The following SLX4IP variants were observed in gnomAD, a reference collection of about 807,000 sequenced individuals.
SLX4IP encodes the protein SLX4 interacting protein.
Under a neutral mutation model 32.9 loss-of-function variants are expected in SLX4IP, and 34 were observed. That is an observed-to-expected ratio of 1.03 (90% CI 0.79 to 1.38). The LOEUF (loss-of-function observed/expected upper bound fraction) is 1.38. SLX4IP is among the 40% of genes most tolerant of loss of function. The probability of loss-of-function intolerance (pLI) is 0.00; values close to 1 mark genes in which losing one functional copy is unlikely to be tolerated. For missense variants in SLX4IP, 444 were observed against 479.0 expected (o/e 0.93, Z 0.68); for synonymous variants, 172 against 171.7 (o/e 1.00, Z -0.01).
intron 4 of SLX4IP, among the ~76,000 whole-genome samples, chr20:10,574,027 G>A (rs777981517): frequency 1.6e-4 from 25 of 152,302 alleles, no homozygotes; most frequent in Non-Finnish European, 2.9e-4. Context: ...GTGTGCTAAA[G>A]CACCAATGAC....
At chr20:10,527,657 G>A (rs1266903496) in intron 2 of SLX4IP, among the ~76,000 whole-genome samples, 5 of 152,108 alleles carry the variant, frequency 3.3e-5, no homozygotes, top group Non-Finnish European at 7.4e-5. Flanking sequence ...TTTCTCTGGG[G>A]TATTCTTACA....
intron 2 of SLX4IP, among the ~76,000 whole-genome samples, chr20:10,478,357 AC>A (rs1217684710): frequency 6.6e-6 from 1 of 152,186 alleles, no homozygotes; most frequent in Non-Finnish European, 1.5e-5. Flanking sequence ...AGTACATGTT[AC>A]TGTTGACATG....
At chr20:10,527,197 A>C (rs1474664596) in intron 2 of SLX4IP, among the ~76,000 whole-genome samples, 1 of 152,190 alleles carries the variant, frequency 6.6e-6, no homozygotes, top group Non-Finnish European at 1.5e-5. Context: ...TATAAAAACA[A>C]AATACTGCCC....
At chr20:10,577,716 G>A (rs2066537691) in intron 4 of SLX4IP, among the ~76,000 whole-genome samples, 1 of 152,190 alleles carries the variant, frequency 6.6e-6, no homozygotes, top group Admixed American at 6.5e-5. Context: ...GAAAGACCCT[G>A]TCTCTTTAAT....
At chr20:10,467,750 A>G (rs761098565) in intron 2 of SLX4IP, among the ~76,000 whole-genome samples, 20 of 152,188 alleles carry the variant, frequency 1.3e-4, no homozygotes, top group African/African-American at 3.1e-4. Flanking sequence ...CAGTCACCCA[A>G]TGAGTTTTAT....
intron 7 of SLX4IP, among the ~76,000 whole-genome samples, chr20:10,622,085 T>C (rs1413995233): frequency 1.3e-5 from 2 of 152,238 alleles, no homozygotes; most frequent in African/African-American, 4.8e-5. Flanking sequence ...TTTTATTGCC[T>C]TTCATGCTGA....
At chr20:10,471,856 C>G (rs1182168362) in intron 2 of SLX4IP, among the ~76,000 whole-genome samples, 2 of 152,190 alleles carry the variant, frequency 1.3e-5, no homozygotes, top group South Asian at 2.1e-4. Context: ...CAATGATACC[C>G]TCTCTCTTCA....
intron 2 of SLX4IP, among the ~76,000 whole-genome samples, chr20:10,547,832 G>C (rs981604218): frequency 2.6e-5 from 4 of 152,150 alleles, no homozygotes; most frequent in Admixed American, 1.3e-4. Flanking sequence ...GACCATCTGT[G>C]TGCCAGACCC....
intron 2 of SLX4IP, among the ~76,000 whole-genome samples, chr20:10,508,074 A>G (rs531338576): frequency 9.8e-5 from 15 of 152,302 alleles, no homozygotes; most frequent in African/African-American, 3.6e-4. Flanking sequence ...ATTTATTAGC[A>G]GATCCTGTTT....
chr20:10,463,761 G>A (rs1190314912), intron 2 of SLX4IP, among the ~76,000 whole-genome samples: 2 of 152,140 alleles, frequency 1.3e-5, no homozygotes, highest in East Asian at 3.9e-4. Flanking sequence ...ATTAAGCATA[G>A]TATACTACGT....
intron 2 of SLX4IP, among the ~76,000 whole-genome samples, chr20:10,554,055 A>G (rs769356458): frequency 1.3e-5 from 2 of 152,260 alleles, no homozygotes; most frequent in Non-Finnish European, 2.9e-5. Flanking sequence ...TATACATAAC[A>G]TACCCCATCA....
chr20:10,471,442 G>A (rs1296652560), intron 2 of SLX4IP, among the ~76,000 whole-genome samples: 1 of 152,316 alleles, frequency 6.6e-6, no homozygotes, highest in South Asian at 2.1e-4. Flanking sequence ...GCATAGCTGG[G>A]TTATGACCAG....
At position 10,621,315 on chromosome 20, in the gene SLX4IP, CAGAA is replaced by C. The variant is rs747777868; in HGVS notation, c.411_414del (p.Arg138PhefsTer28). On this transcript the variant is annotated frameshift_variant and splice_region_variant, in exon 7 of 8. Coordinates refer to ENST00000334534, the MANE Select transcript of SLX4IP (RefSeq NM_001009608.3). LOFTEE classifies it high-confidence loss of function. ...AACCTTTGTTATCTTTTGGAGTAGA[CAGAA>C]AGAGTTCTCCATGGAGTGTCTGATT... 1.1e-5 allele frequency: 18 copies of C among 1,613,798 alleles called. No homozygotes were observed. Among genetic ancestry groups the C allele is most frequent in the South Asian group, 2.2e-5 (2 of 91,084 alleles).
chr20:10,518,493 CCTTCCTTCCTTCCTTCCTT>C (rs2065876107), intron 2 of SLX4IP, among the ~76,000 whole-genome samples: 1 of 12,630 alleles, frequency 7.9e-5, no homozygotes, highest in African/African-American at 4.8e-4. Context: ...CTTTCCTTTT[CCTTCCTTCCTTCCTTCCTT>C]CCTTCCTTCC....
intron 2 of SLX4IP, among the ~76,000 whole-genome samples, chr20:10,491,269 C>T (rs2065621357): frequency 6.6e-6 from 1 of 152,208 alleles, no homozygotes; most frequent in Admixed American, 6.5e-5. Context: ...ATCAACTCTT[C>T]TTAAAGGAAA....
chr20:10,619,914 A>C (rs1057361390), intron 6 of SLX4IP, among the ~76,000 whole-genome samples: 2 of 152,258 alleles, frequency 1.3e-5, no homozygotes, highest in East Asian at 3.8e-4. Context: ...TATTCTGTTC[A>C]CTAGCTTAAA....
chr20:10,473,023 G>C (rs1209527018), intron 2 of SLX4IP, among the ~76,000 whole-genome samples: 1 of 152,162 alleles, frequency 6.6e-6, no homozygotes, highest in African/African-American at 2.4e-5. Context: ...GAACATTGTT[G>C]CTATTAAGAA....
chr20:10,579,646 G>A (rs552937765), intron 4 of SLX4IP, among the ~76,000 whole-genome samples: 3 of 151,966 alleles, frequency 2.0e-5, no homozygotes, highest in South Asian at 2.1e-4. Flanking sequence ...AGCTGGTCTC[G>A]AACTCCTGAC....
intron 2 of SLX4IP, among the ~76,000 whole-genome samples, chr20:10,518,539 TTCCTTCCTTC>T (rs879912604): frequency 0.05 from 5,475 of 109,470 alleles, 398 homozygotes; most frequent in Middle Eastern, 0.07. Flanking sequence ...CCTTCCTTCC[TTCCTTCCTTC>T]CTTTCCTTCT....
Sources: allele counts gnomAD v4.1 joint callset (sites outside exome capture counted in the v4.1 genomes callset), GRCh38; gene constraint gnomAD v4.1.1; transcripts MANE v1.5; gene names NCBI Gene and HGNC (gene_info 2026-07-23, HGNC 2026-07-21).